Variants in MAPRE2 observed in about 807,000 individuals in gnomAD.
MAPRE2 encodes the protein microtubule-associated protein RP/EB family member 2.
A neutral mutation model predicts 43.2 loss-of-function variants in MAPRE2; 13 were observed. The observed-to-expected ratio is 0.30, with a 90% CI of 0.20 to 0.48. MAPRE2 has a LOEUF of 0.48. MAPRE2 is among the 20% of genes least tolerant of loss of function. MAPRE2 has a pLI of 0.99. For missense variants in MAPRE2, 161 were observed against 400.2 expected (o/e 0.40, Z 5.10); for synonymous variants, 135 against 148.8 (o/e 0.91, Z 0.68).
chr18:35,010,686 A>G (rs987847783), intron 2 of MAPRE2, among the ~76,000 whole-genome samples: 1 of 152,176 alleles, frequency 6.6e-6, no homozygotes, highest in African/African-American at 2.4e-5. Flanking sequence ...TCTGAGTTTT[A>G]CTTAACTAGG....
chr18:34,981,945 C>T (rs573310967), intron 1 of MAPRE2, among the ~76,000 whole-genome samples: 3 of 145,578 alleles, frequency 2.1e-5, no homozygotes, highest in Admixed American at 7.0e-5. Context: ...AGTGCAGTGG[C>T]GCCATCTCGG....
At chr18:35,128,637 G>A (rs1603403903) in intron 5 of MAPRE2, among the ~76,000 whole-genome samples, 1 of 152,092 alleles carries the variant, frequency 6.6e-6, no homozygotes, top group East Asian at 1.9e-4. Flanking sequence ...CTTATATCAG[G>A]GACTTCAGCA....
chr18:34,981,916 A>G (rs1438556700), intron 1 of MAPRE2, among the ~76,000 whole-genome samples: 3 of 132,444 alleles, frequency 2.3e-5, no homozygotes, highest in South Asian at 2.3e-4. Flanking sequence ...ACGGAGTCTC[A>G]CTCTGTCTCC....
At chr18:35,091,652 A>T (rs1908155071) in intron 2 of MAPRE2, among the ~76,000 whole-genome samples, 1 of 152,072 alleles carries the variant, frequency 6.6e-6, no homozygotes, top group African/African-American at 2.4e-5. Context: ...ACTGCAGCAG[A>T]TGGGTGGGCT....
At chr18:35,138,229 A>C (rs1603404923) in intron 6 of MAPRE2, among the ~76,000 whole-genome samples, 1 of 152,198 alleles carries the variant, frequency 6.6e-6, no homozygotes, top group East Asian at 1.9e-4. Context: ...AGAGGGGATC[A>C]GGGCTCTGAG....
At chr18:35,070,445 A>G (rs1290140600) in intron 2 of MAPRE2, 123 bp downstream of exon 2, 1 of 819,312 alleles carries the variant, frequency 1.2e-6, no homozygotes, top group Admixed American at 3.5e-5. Context: ...TTGGCATGTA[A>G]TTAAAGGGGG....
chr18:35,058,269 C>A lies in MAPRE2; in HGVS notation c.123-11926C>A, dbSNP rs139659895. Among the ~76,000 whole-genome samples the A allele has an allele frequency of 3.6e-3, 550 of 152,252 alleles. 4 individuals carry two copies. The highest frequency in any genetic ancestry group is 0.012 in the African/African-American group (518 of 41,534). On this transcript the variant is annotated intron_variant, in intron 1 of 6. Transcript: ENST00000300249. ...GTACTTCCCTTGTCCTGTTAATAAGCTTAATTTTATTGGTACTTCATTTTC... is the reference window on the plus strand; with the variant it reads ...GTACTTCCCTTGTCCTGTTAATAAGATTAATTTTATTGGTACTTCATTTTC...
chr18:35,085,455 T>C (rs1432593518), intron 2 of MAPRE2, among the ~76,000 whole-genome samples: 1 of 152,226 alleles, frequency 6.6e-6, no homozygotes, highest in Non-Finnish European at 1.5e-5. Context: ...AAAATATGGC[T>C]ATGTTACTGA....
chr18:35,136,605 T>C (rs945458876), intron 6 of MAPRE2, among the ~76,000 whole-genome samples: 3 of 152,154 alleles, frequency 2.0e-5, no homozygotes, highest in African/African-American at 7.2e-5. Flanking sequence ...GCTCTAGAGC[T>C]AAGGTAGGGA....
chr18:35,105,782 C>A (rs1908876674), intron 4 of MAPRE2, among the ~76,000 whole-genome samples: 1 of 151,858 alleles, frequency 6.6e-6, no homozygotes, highest in African/African-American at 2.4e-5. Flanking sequence ...AACTTAAAAC[C>A]TTACTAAAGA....
intron 2 of MAPRE2, among the ~76,000 whole-genome samples, chr18:35,080,256 A>T (rs1479224324): frequency 1.3e-5 from 2 of 152,244 alleles, no homozygotes; most frequent in Non-Finnish European, 2.9e-5. Context: ...TCCTGCAGTC[A>T]GCAGATATTT....
In MAPRE2 at chr18:35,132,190, C is replaced by T. The variant is rs376071715; in HGVS notation, c.909C>T (p.His303=). The T allele has an allele frequency of 6.5e-5, 105 of 1,613,858 alleles. No homozygotes were observed. Among genetic ancestry groups the T allele is most frequent in the Non-Finnish European group, 7.9e-5 (93 of 1,179,850 alleles). Residue 303 remains histidine, a splice_region_variant and synonymous_variant, in exon 6 of 7, where the codon CAC becomes CAT. Coordinates refer to ENST00000300249, the MANE Select transcript of MAPRE2 (RefSeq NM_014268.4). The stretch of plus-strand genomic sequence containing the variant: ...ACATCCTGTATGCTTCAGAAGAACA[C>T]GTAAGTGTGAGGAGCATGTGACTCC... ...LMDILYASEE[H]EGHTEEPEAE...
chr18:35,056,103 T>C (rs1283919774), intron 1 of MAPRE2, among the ~76,000 whole-genome samples: 4 of 152,184 alleles, frequency 2.6e-5, no homozygotes, highest in Non-Finnish European at 4.4e-5. Flanking sequence ...AAATCTGGCT[T>C]TTTGAATAAA....
intron 1 of MAPRE2, among the ~76,000 whole-genome samples, chr18:34,980,031 C>CTTTTTTTTTTTTTTTTTTTTTT (rs796434537): frequency 6.3e-4 from 29 of 46,138 alleles, no homozygotes; most frequent in South Asian, 1.9e-3. Context: ...TTCTTTTTTT[C>CTTTTTTTTTTTTTTTTTTTTTT]TTTTTTTTTT....
chr18:35,027,213 A>G (rs541277858), intron 2 of MAPRE2, among the ~76,000 whole-genome samples: 4 of 152,036 alleles, frequency 2.6e-5, no homozygotes, highest in Non-Finnish European at 4.4e-5. Flanking sequence ...CATTCCTCCT[A>G]GTTATGTTAC....
upstream of MAPRE2, chr18:35,041,314 C>A: frequency 9.2e-6 from 13 of 1,419,706 alleles, no homozygotes; most frequent in Non-Finnish European, 1.2e-5. Flanking sequence ...GTTGCCATGG[C>A]AACAGGCTGG....
intron 2 of MAPRE2, among the ~76,000 whole-genome samples, chr18:35,022,746 T>C (rs180926923): frequency 6.6e-6 from 1 of 152,182 alleles, no homozygotes; most frequent in Non-Finnish European, 1.5e-5. Flanking sequence ...ATAATGTAGA[T>C]GCTAGTCATT....
intron 1 of MAPRE2, among the ~76,000 whole-genome samples, chr18:34,996,115 A>G (rs1775963379): frequency 6.6e-6 from 1 of 152,184 alleles, no homozygotes; most frequent in South Asian, 2.1e-4. Flanking sequence ...ATGCTCCCCA[A>G]GAAAACAGCA....
intron 2 of MAPRE2, among the ~76,000 whole-genome samples, chr18:35,076,562 T>A (rs1907365019): frequency 6.6e-6 from 1 of 152,186 alleles, no homozygotes; most frequent in African/African-American, 2.4e-5. Context: ...TCATTTACCC[T>A]GACAGACTCC....
Sources: allele counts gnomAD v4.1 joint callset (sites outside exome capture counted in the v4.1 genomes callset), GRCh38; gene constraint gnomAD v4.1.1; transcripts MANE v1.5; gene names NCBI Gene and HGNC (gene_info 2026-07-23, HGNC 2026-07-21).